NRG1: variants seen among roughly 807,000 people sequenced by gnomAD.
NRG1 encodes the protein neuregulin 1, also known as pro-neuregulin-1, membrane-bound isoform.
NRG1 carries 18 observed loss-of-function variants against 63.8 expected under a neutral mutation model. The observed-to-expected ratio is 0.28, with a 90% CI of 0.19 to 0.42. NRG1 has a LOEUF of 0.42. Ranked by LOEUF, NRG1 falls within the 10% of genes least tolerant of loss-of-function variation. NRG1 has a pLI of 1.00. For synonymous variants in NRG1, 302 were observed against 301.3 expected, an observed-to-expected ratio of 1.00 and a Z score of -0.02; for missense variants, 762 against 814.7, an observed-to-expected ratio of 0.94 and a Z score of 0.79.
intron 5 of NRG1, among the ~76,000 whole-genome samples, chr8:32,667,254 C>A (rs1232609135): frequency 6.6e-6 from 1 of 152,132 alleles, no homozygotes; most frequent in Non-Finnish European, 1.5e-5. Context: ...AGTAAAAATA[C>A]AGTATTATAA....
chr8:31,950,217 G>T (rs754445208), intron 1 of NRG1, among the ~76,000 whole-genome samples: 2 of 152,204 alleles, frequency 1.3e-5, no homozygotes, highest in Non-Finnish European at 2.9e-5. Flanking sequence ...TAAAAGATAA[G>T]TGTGTCCAGT....
intron 1 of NRG1, among the ~76,000 whole-genome samples, chr8:32,437,761 C>T (rs888193182): frequency 2.0e-5 from 3 of 152,064 alleles, no homozygotes; most frequent in African/African-American, 7.2e-5. Flanking sequence ...TTATTTTATA[C>T]TATGTTTTCA....
intron 1 of NRG1, among the ~76,000 whole-genome samples, chr8:31,848,049 C>T (rs1243280479): frequency 2.0e-5 from 3 of 152,114 alleles, no homozygotes; most frequent in Non-Finnish European, 4.4e-5. Context: ...TAAATTCAGA[C>T]AATTTTAAAC....
chr8:31,649,165 G>A (rs1270684105), intron 1 of NRG1, among the ~76,000 whole-genome samples: 3 of 152,110 alleles, frequency 2.0e-5, no homozygotes, highest in Non-Finnish European at 4.4e-5. Flanking sequence ...ATGTTGGCCA[G>A]GCAGGTCTTG....
intron 1 of NRG1, among the ~76,000 whole-genome samples, chr8:32,179,187 TAAAAAAAAAAAAA>T (rs35411561): frequency 7.5e-5 from 5 of 66,518 alleles, no homozygotes; most frequent in Non-Finnish European, 1.3e-4. Context: ...CTCACAGTCA[TAAAAAAAAAAAAA>T]AAAAAAAAAA....
chr8:32,587,957 C>A (rs1466273634), intron 1 of NRG1, among the ~76,000 whole-genome samples: 1 of 151,882 alleles, frequency 6.6e-6, no homozygotes, highest in East Asian at 1.9e-4. Context: ...GAGACGGACT[C>A]TTGCCCTGTC....
chr8:32,506,971 T>G (rs772910457), intron 1 of NRG1, among the ~76,000 whole-genome samples: 14 of 152,132 alleles, frequency 9.2e-5, no homozygotes, highest in Non-Finnish European at 1.5e-4. Context: ...CCTCAACCCA[T>G]TTAGCCATTA....
rs533553785 is a variant in NRG1 at position 32,615,049 on chromosome 8, G to T, written c.451+485G>T. ...ACAAAACAAAACAAAAAGACTTACAGCCTTTAAAAATGCTGTTGTCTTTGT... is the reference window on the plus strand; with the variant it reads ...ACAAAACAAAACAAAAAGACTTACATCCTTTAAAAATGCTGTTGTCTTTGT... On this transcript the variant is annotated intron_variant, in intron 4 of 11. Coordinates refer to ENST00000356819, the Ensembl canonical transcript of NRG1. 9.0e-5 allele frequency among the ~76,000 whole-genome samples: 7 copies of T among 77,526 alleles called. No homozygotes were observed. In the East Asian group the frequency reaches 3.9e-3, roughly 43 times the overall value. 50.9% of individuals were successfully genotyped at this position (77,526 alleles called of 152,430 possible). A position where few individuals can be genotyped will look rare whatever the true frequency, so the allele number is the denominator to read the frequency against.
At chr8:32,648,968 A>C (rs898430490) in intron 5 of NRG1, among the ~76,000 whole-genome samples, 5 of 152,186 alleles carry the variant, frequency 3.3e-5, no homozygotes, top group Non-Finnish European at 7.3e-5. Flanking sequence ...CTAGCTTGAG[A>C]CGACTGCTGT....
At chr8:32,522,181 G>A (rs1830405269) in intron 1 of NRG1, among the ~76,000 whole-genome samples, 1 of 152,146 alleles carries the variant, frequency 6.6e-6, no homozygotes, top group Non-Finnish European at 1.5e-5. Flanking sequence ...CACTAACACA[G>A]GTCCCTAGAG....
At chr8:31,770,770 C>CATATATATATATATAT (rs4036035) in intron 1 of NRG1, among the ~76,000 whole-genome samples, 2 of 140,492 alleles carry the variant, frequency 1.4e-5, no homozygotes, top group Non-Finnish European at 3.1e-5. Context: ...GTATAATAAA[C>CATATATATATATATAT]ATATATATAT....
intron 1 of NRG1, among the ~76,000 whole-genome samples, chr8:32,317,800 T>G (rs1026836157): frequency 1.3e-5 from 2 of 152,214 alleles, no homozygotes; most frequent in Non-Finnish European, 1.5e-5. Context: ...CTACCTGTTG[T>G]TATATAGCTG....
chr8:31,726,547 T>C (rs1482430962), intron 1 of NRG1, among the ~76,000 whole-genome samples: 1 of 152,166 alleles, frequency 6.6e-6, no homozygotes, highest in South Asian at 2.1e-4. Flanking sequence ...AAAGCTCCAC[T>C]GGTGACCTGG....
At chr8:32,557,232 C>T (rs1444496296) in intron 1 of NRG1, among the ~76,000 whole-genome samples, 2 of 152,266 alleles carry the variant, frequency 1.3e-5, no homozygotes, top group Admixed American at 6.5e-5. Context: ...TGGTCTCGAT[C>T]TCCTGACCTT....
At chr8:32,487,281 A>G (rs1826024901) in intron 1 of NRG1, among the ~76,000 whole-genome samples, 1 of 152,152 alleles carries the variant, frequency 6.6e-6, no homozygotes, top group Non-Finnish European at 1.5e-5. Flanking sequence ...TACTGTCTCA[A>G]ATGTGCCCAT....
intron 1 of NRG1, among the ~76,000 whole-genome samples, chr8:32,593,508 G>C (rs1468427360): frequency 1.5e-5 from 2 of 129,762 alleles, no homozygotes. Flanking sequence ...ACAACAGTTA[G>C]CCAGGGGTGG....
In NRG1 at chr8:32,167,942, G is replaced by T. The variant is rs574534564; in HGVS notation, c.38-427886G>T. On this transcript the variant is annotated intron_variant, in intron 1 of 10. Transcript: ENST00000519301. ...TGGCTTTATCATCTGTGAGCAGCTT[G>T]CCCCTCCCTCTGGAGATCCAAATCT... Among the ~76,000 whole-genome samples, 5 of 152,276 alleles carry T rather than the reference G, an allele frequency of 3.3e-5. No individual in the cohort carries two copies. The South Asian group carries it at 8.3e-4, about 25-fold the overall frequency.
intron 5 of NRG1, among the ~76,000 whole-genome samples, chr8:32,617,204 T>TTG (rs984567568): frequency 4.6e-5 from 7 of 152,168 alleles, no homozygotes; most frequent in Non-Finnish European, 1.0e-4. Flanking sequence ...GTAGAGCACA[T>TTG]TGTGTGTCTT....
chr8:31,948,616 G>T (rs181824961), intron 1 of NRG1, among the ~76,000 whole-genome samples: 1 of 152,190 alleles, frequency 6.6e-6, no homozygotes, highest in Non-Finnish European at 1.5e-5. Flanking sequence ...AAAGATCAAT[G>T]ACTAAGGGAG....
Sources: gnomAD v4.1 joint callset for allele counts (sites outside exome capture counted in the v4.1 genomes callset) on GRCh38, gnomAD v4.1.1 for gene constraint, MANE v1.5 for transcripts, NCBI Gene and HGNC (gene_info 2026-07-23, HGNC 2026-07-21) for gene names.